Variants in ZNF326 observed in about 807,000 individuals in gnomAD.
ZNF326 encodes DBIRD complex subunit ZNF326.
A neutral mutation model predicts 63.1 loss-of-function variants in ZNF326; 30 were observed. The ratio of observed to expected loss-of-function variants is 0.48; its 90% CI spans 0.36 to 0.64. The LOEUF is 0.64. ZNF326 is among the 30% of genes least tolerant of loss of function. The pLI, the probability that ZNF326 is intolerant of heterozygous loss-of-function variation, is 0.00. For missense variants in ZNF326, 609 were observed against 720.3 expected, an observed-to-expected ratio of 0.85 and a Z score of 1.77; for synonymous variants, 194 against 228.2, an observed-to-expected ratio of 0.85 and a Z score of 1.35.
chr1:90,022,489 ATC>A, intron 11 of ZNF326, 144 bp downstream of exon 11: 1 of 625,344 alleles, frequency 1.6e-6, no homozygotes, highest in Non-Finnish European at 2.8e-6. Flanking sequence ...TAGGTAAAAC[ATC>A]TTTTTTCCTA....
chr1:90,018,857 T>C, intron 9 of ZNF326, 73 bp downstream of exon 9: 1 of 843,046 alleles, frequency 1.2e-6, no homozygotes, highest in Non-Finnish European at 1.8e-6. Flanking sequence ...TAAATGTAAA[T>C]GATAGCCACT....
chr1:90,018,541 T>C (rs1463544606), intron 8 of ZNF326, 144 bp from the exon 9 acceptor site: 1 of 442,600 alleles, frequency 2.3e-6, no homozygotes, highest in Non-Finnish European at 4.1e-6. Flanking sequence ...GATTATCTTT[T>C]CAATTAAATT....
chr1:89,995,825 G>T (rs1446332156), intron 1 of ZNF326, among the ~76,000 whole-genome samples: 1 of 152,234 alleles, frequency 6.6e-6, no homozygotes, highest in Non-Finnish European at 1.5e-5. Context: ...TATGCAAAAT[G>T]GAAAGCAAGA....
chr1:89,997,977 C>A, intron 1 of ZNF326, 133 bp from the exon 2 acceptor site: 1 of 653,584 alleles, frequency 1.5e-6, no homozygotes, highest in Non-Finnish European at 2.6e-6. Flanking sequence ...TTTGTTTTAA[C>A]TATTCTCAGT....
At chr1:90,025,775 G>A (rs1327322833) in intron 11 of ZNF326, among the ~76,000 whole-genome samples, 1 of 152,060 alleles carries the variant, frequency 6.6e-6, no homozygotes. Flanking sequence ...TGAAAATAAG[G>A]GGATAGTACA....
In ZNF326 at chr1:90,007,448, G is replaced by A. The variant is rs746902124; in HGVS notation, c.313G>A (p.Gly105Ser). The A allele has an allele frequency of 1.9e-6, 3 of 1,614,004 alleles. No individual in the cohort carries two copies. Among genetic ancestry groups the A allele is most frequent in the Non-Finnish European group, 2.5e-6 (3 of 1,180,004 alleles). The change falls in exon 5 of 12, where the codon GGT becomes AGT. Residue 105 changes from glycine to serine, a missense_variant. Physicochemically the swap from Gly to Ser is moderately conservative, Grantham distance 56 (BLOSUM62 0). Coordinates refer to ENST00000340281, the MANE Select transcript of ZNF326 (RefSeq NM_182976.4). The surrounding 1 kb of genome is among the most constrained non-coding windows in gnomAD (Gnocchi z 4.9). ...TGAACCCGAACAAAGCCGCTTCGGAGGTAGTTATGGTGGTCGATTTGAGAG... is the reference window on the plus strand; with the variant it reads ...TGAACCCGAACAAAGCCGCTTCGGAAGTAGTTATGGTGGTCGATTTGAGAG... ...FNEPEQSRFG[G>S]SYGGRFESSY... is the part of the protein sequence containing the mutation.
At chr1:90,006,483 G>T (rs1648994689) in intron 4 of ZNF326, 1 of 985,032 alleles carries the variant, frequency 1.0e-6, no homozygotes, top group South Asian at 4.7e-5. Context: ...TTGTGAGAAG[G>T]AAGATGATTT....
intron 8 of ZNF326, 54 bp from the exon 9 acceptor site, chr1:90,018,631 T>A: frequency 1.0e-6 from 1 of 1,003,472 alleles, no homozygotes; most frequent in Non-Finnish European, 1.5e-6. Context: ...TGCTAAGCAT[T>A]ATACTTGAGT....
At chr1:89,999,088 G>T (rs564624995) in intron 2 of ZNF326, among the ~76,000 whole-genome samples, 11 of 152,300 alleles carry the variant, frequency 7.2e-5, no homozygotes, top group African/African-American at 2.6e-4. Flanking sequence ...ACCAAAGGAA[G>T]TTTAATTTGC....
Position 90,018,732 on chromosome 1 carries a change from GACA to G in ZNF326, c.1124_1126del (p.Thr375del), listed in dbSNP as rs1305688075. 7.0e-6 allele frequency: 11 copies of G among 1,580,400 alleles called. No individual in the cohort carries two copies. The African/African-American group carries it at 1.2e-4, about 18-fold the overall frequency. On this transcript the variant is annotated inframe_deletion, in exon 9 of 12. Coordinates refer to ENST00000340281, the MANE Select transcript of ZNF326 (RefSeq NM_182976.4). ...AGAAAACATCTATTCGTAAGCAACA[GACA>G]AATAATCAAACAGAAGTAGTTAAAA...
At chr1:90,008,640 T>G (rs570170412) in intron 5 of ZNF326, among the ~76,000 whole-genome samples, 1 of 152,322 alleles carries the variant, frequency 6.6e-6, no homozygotes, top group Admixed American at 6.5e-5. Flanking sequence ...TTTGTTATAA[T>G]GTAAGAATCC....
chr1:90,027,664 C>G lies in ZNF326; in HGVS notation c.1712C>G (p.Pro571Arg). The G allele has an allele frequency of 6.2e-7, 1 of 1,613,932 alleles. No individual in the cohort carries two copies. Among genetic ancestry groups the G allele is most frequent in the Non-Finnish European group, 8.5e-7 (1 of 1,179,950 alleles). Reference sequence around the variant, plus strand: ...GAGGAAGAGACAGCAAAGGAAGAACCTGCTGACTTCCCTGTTGAGCAACCT... The same window carrying G: ...GAGGAAGAGACAGCAAAGGAAGAACGTGCTGACTTCCCTGTTGAGCAACCT... ...ELEEETAKEEPADFPVEQPEE... is the reference protein window; with the variant it reads ...ELEEETAKEERADFPVEQPEE... Residue 571 changes from proline to arginine, a missense_variant, in exon 12 of 12, where the codon CCT (proline) becomes CGT (arginine). By Grantham distance (103) the Pro-to-Arg change is moderately radical. This residue lies in a region of ZNF326 where 399 missense variants were observed against 444.3 expected (regional missense o/e 0.90). Coordinates refer to ENST00000340281, the MANE Select transcript of ZNF326 (RefSeq NM_182976.4).
In ZNF326 at chr1:90,001,805, G is replaced by A. The variant is rs529309519; in HGVS notation, c.62-3198G>A. Reference sequence around the variant, plus strand: ...ACTCCTGACCTCAGGTGATCCACCCGCCTTGGCCTCCCAAAGGATTGGGAT... The same window carrying A: ...ACTCCTGACCTCAGGTGATCCACCCACCTTGGCCTCCCAAAGGATTGGGAT... On this transcript the variant is annotated intron_variant, in intron 2 of 11. Coordinates refer to ENST00000340281, the MANE Select transcript of ZNF326 (RefSeq NM_182976.4). Among the ~76,000 whole-genome samples, 78 of 152,068 alleles carry A rather than the reference G, an allele frequency of 5.1e-4. 1 individual carries two copies. Among genetic ancestry groups the A allele is most frequent in the African/African-American group, 1.7e-3 (71 of 41,476 alleles).
At chr1:90,003,732 T>C (rs745471118) in intron 2 of ZNF326, among the ~76,000 whole-genome samples, 10 of 152,222 alleles carry the variant, frequency 6.6e-5, no homozygotes, top group Non-Finnish European at 1.3e-4. Context: ...AGAGGATATG[T>C]ATAGAATTTT....
chr1:90,004,121 A>G (rs920426620), intron 2 of ZNF326, among the ~76,000 whole-genome samples: 3 of 151,582 alleles, frequency 2.0e-5, no homozygotes. Context: ...TATTTTTCAT[A>G]TCAGAGGTTG....
chr1:90,003,523 A>G (rs1434319305), intron 2 of ZNF326, among the ~76,000 whole-genome samples: 1 of 152,212 alleles, frequency 6.6e-6, no homozygotes, highest in African/African-American at 2.4e-5. Flanking sequence ...AGAGTATCAC[A>G]AGCACCACGT....
rs1417335641 is a variant in ZNF326, at chr1:89,998,316, A to G, written c.61+162A>G. Among the ~76,000 whole-genome samples the G allele has an allele frequency of 3.3e-5, 5 of 152,136 alleles. No homozygotes were observed. In the East Asian group the frequency reaches 5.8e-4, roughly 18 times the overall value. ...TAGTATTTGAATTGGGGAATGTGCT[A>G]TCAGAAAATGTTAGGGGTTATTCAC... On this transcript the variant is annotated intron_variant, in intron 2 of 11. Coordinates refer to ENST00000340281, the MANE Select transcript of ZNF326 (RefSeq NM_182976.4).
chr1:90,002,957 G>T lies in ZNF326; in HGVS notation c.62-2046G>T, dbSNP rs546471334. On this transcript the variant is annotated intron_variant, in intron 2 of 11. Transcript: ENST00000340281. ...CACAATATTTAAAAAATCATATTCA[G>T]TGATACCACCACCAACCTTTCAGAA... 1.6e-3 allele frequency among the ~76,000 whole-genome samples: 248 copies of T among 152,186 alleles called. 1 individual carries two copies. Among genetic ancestry groups the T allele is most frequent in the Admixed American group, 2.8e-3 (43 of 15,290 alleles).
chr1:90,000,043 A>G (rs1570933302), intron 2 of ZNF326, among the ~76,000 whole-genome samples: 1 of 152,126 alleles, frequency 6.6e-6, no homozygotes, highest in African/African-American at 2.4e-5. Context: ...TAACATAGAG[A>G]AGGAGGATAA....
Sources: allele counts gnomAD v4.1 joint callset (sites outside exome capture counted in the v4.1 genomes callset), GRCh38; gene constraint gnomAD v4.1.1; regional missense constraint gnomAD v4.1.1; non-coding constraint Gnocchi (gnomAD v3.1); transcripts MANE v1.5; gene names NCBI Gene and HGNC (gene_info 2026-07-23, HGNC 2026-07-21).